NEDD4L: variants seen among roughly 807,000 people sequenced by gnomAD.
The protein encoded by NEDD4L is E3 ubiquitin-protein ligase NEDD4-like.
Under a neutral mutation model 148.9 loss-of-function variants are expected in NEDD4L, and 54 were observed. That is an observed-to-expected ratio of 0.36 (90% CI 0.29 to 0.45). The LOEUF is 0.45. NEDD4L is among the 20% of genes least tolerant of loss of function. The probability of loss-of-function intolerance (pLI) is 1.00; values close to 1 mark genes in which losing one functional copy is unlikely to be tolerated. For synonymous variants in NEDD4L, 433 were observed against 440.7 expected, an observed-to-expected ratio of 0.98 and a Z score of 0.22; for missense variants, 856 against 1,233.8, an observed-to-expected ratio of 0.69 and a Z score of 4.59.
chr18:58,252,770 G>A (rs2048084167), intron 5 of NEDD4L, among the ~76,000 whole-genome samples: 1 of 152,048 alleles, frequency 6.6e-6, no homozygotes. Flanking sequence ...CACCCAGGTT[G>A]GAGTGCAGTG....
At chr18:58,193,725 G>C (rs192020391) in intron 2 of NEDD4L, 3 of 152,230 alleles carry the variant, frequency 2.0e-5, no homozygotes, top group Admixed American at 6.5e-5. Context: ...CATTTCTTCC[G>C]ATATCTCCTG....
At chr18:58,161,421 G>GT (rs1200397264) in intron 1 of NEDD4L, among the ~76,000 whole-genome samples, 1 of 132,822 alleles carries the variant, frequency 7.5e-6, no homozygotes, top group Non-Finnish European at 1.6e-5. Flanking sequence ...ATATTTCCGT[G>GT]TTTTTTTCTT....
At chr18:58,316,947 CTTTACT>C (rs2058334243) in intron 6 of NEDD4L, among the ~76,000 whole-genome samples, 1 of 86,682 alleles carries the variant, frequency 1.2e-5, no homozygotes, top group Admixed American at 1.1e-4. Flanking sequence ...AGTAAAGTGA[CTTTACT>C]TTATTTACTT....
At chr18:58,174,003 G>A (rs1031285922) in intron 2 of NEDD4L, among the ~76,000 whole-genome samples, 14 of 152,188 alleles carry the variant, frequency 9.2e-5, no homozygotes, top group African/African-American at 3.4e-4. Flanking sequence ...CACCCCACCT[G>A]GGTCTCACTC....
chr18:58,273,023 G>T (rs1426046664), intron 5 of NEDD4L, among the ~76,000 whole-genome samples: 1 of 152,238 alleles, frequency 6.6e-6, no homozygotes, highest in Non-Finnish European at 1.5e-5. Flanking sequence ...GTAAGCTGAG[G>T]CCTGGGAAGG....
At chr18:58,067,027 A>T (rs537968749) in intron 1 of NEDD4L, among the ~76,000 whole-genome samples, 2 of 152,176 alleles carry the variant, frequency 1.3e-5, no homozygotes, top group East Asian at 1.9e-4. Flanking sequence ...TTGTCATTTT[A>T]AAAAAAAATT....
intron 1 of NEDD4L, among the ~76,000 whole-genome samples, chr18:58,140,685 G>T (rs375813711): frequency 1.8e-4 from 28 of 152,356 alleles, no homozygotes; most frequent in African/African-American, 6.3e-4. Context: ...TGGTGTATTT[G>T]CAGTGTTTCT....
At chr18:58,173,021 A>G (rs1280885387) in intron 2 of NEDD4L, among the ~76,000 whole-genome samples, 4 of 152,226 alleles carry the variant, frequency 2.6e-5, no homozygotes, top group Admixed American at 6.5e-5. Context: ...ATCATCAACT[A>G]TTACTAGATT....
At chr18:58,107,787 C>T (rs1250719968) in intron 1 of NEDD4L, among the ~76,000 whole-genome samples, 1 of 152,034 alleles carries the variant, frequency 6.6e-6, no homozygotes, top group Admixed American at 6.5e-5. Flanking sequence ...TTTTTCCTCC[C>T]CTGCAGCTTT....
intron 24 of NEDD4L, among the ~76,000 whole-genome samples, chr18:58,378,737 G>A (rs538936088): frequency 1.3e-5 from 2 of 152,180 alleles, no homozygotes; most frequent in African/African-American, 4.8e-5. Context: ...GCAGTGCTCC[G>A]TTTCCAAGAA....
intron 5 of NEDD4L, among the ~76,000 whole-genome samples, chr18:58,275,877 T>C (rs572575892): frequency 1.3e-4 from 20 of 152,062 alleles, no homozygotes; most frequent in Non-Finnish European, 2.2e-4. Flanking sequence ...AGGGGGAGCA[T>C]TGAAGGTAGG....
chr18:58,287,306 A>G (rs899814641), intron 5 of NEDD4L, among the ~76,000 whole-genome samples: 7 of 152,220 alleles, frequency 4.6e-5, no homozygotes, highest in African/African-American at 1.4e-4. Flanking sequence ...TTACAGACGA[A>G]TAGAGGACAG....
intron 5 of NEDD4L, among the ~76,000 whole-genome samples, chr18:58,288,039 C>CTT (rs755090998): frequency 1.3e-5 from 2 of 152,204 alleles, no homozygotes; most frequent in Non-Finnish European, 2.9e-5. Flanking sequence ...TACAGTAGAA[C>CTT]TTTGCTAATT....
At chr18:58,191,001 C>T (rs2147182262) in intron 2 of NEDD4L, among the ~76,000 whole-genome samples, 1 of 152,262 alleles carries the variant, frequency 6.6e-6, no homozygotes, top group Non-Finnish European at 1.5e-5. Flanking sequence ...GCCCCAGCTA[C>T]TCAGGAAGCT....
chr18:58,276,214 GGT>G (rs2051957966), intron 5 of NEDD4L, among the ~76,000 whole-genome samples: 2 of 111,010 alleles, frequency 1.8e-5, no homozygotes, highest in African/African-American at 7.9e-5. Flanking sequence ...TTTTTTTTTG[GGT>G]GGGGAGGGGG....
intron 5 of NEDD4L, among the ~76,000 whole-genome samples, chr18:58,280,053 T>A (rs1452597947): frequency 6.6e-6 from 1 of 152,120 alleles, no homozygotes; most frequent in Non-Finnish European, 1.5e-5. Flanking sequence ...GTGCTGTGTG[T>A]ATTTTTTTGC....
intron 1 of NEDD4L, among the ~76,000 whole-genome samples, chr18:58,056,963 G>T (rs1489693856): frequency 6.9e-6 from 1 of 144,734 alleles, no homozygotes; most frequent in Non-Finnish European, 1.5e-5. Context: ...GGCCTCCTGT[G>T]CCTTAAATCT....
At chr18:58,338,449 A>T (rs946113694) in intron 13 of NEDD4L, among the ~76,000 whole-genome samples, 1 of 152,262 alleles carries the variant, frequency 6.6e-6, no homozygotes, top group Non-Finnish European at 1.5e-5. Context: ...TGGAGAGAAC[A>T]CTGTAAAGAA....
rs190460643 is a variant in NEDD4L, at chr18:58,263,959, C to T, written c.297+11905C>T. 2.2e-3 allele frequency among the ~76,000 whole-genome samples: 330 copies of T among 149,966 alleles called. 2 individuals are homozygous for T. The highest frequency in any genetic ancestry group is 7.6e-3 in the African/African-American group (313 of 41,346). On this transcript the variant is annotated intron_variant, in intron 5 of 30. Coordinates refer to ENST00000400345, the MANE Select transcript of NEDD4L (RefSeq NM_001144967.3). ...TGAACACTGGAAACTATCAGCATAC[C>T]TCTGGGCTTCTTTTATATGGTCTTC...
Sources: gnomAD v4.1 joint callset for allele counts (sites outside exome capture counted in the v4.1 genomes callset) on GRCh38, gnomAD v4.1.1 for gene constraint, MANE v1.5 for transcripts, NCBI Gene and HGNC (gene_info 2026-07-23, HGNC 2026-07-21) for gene names.